Variants in STRADA observed in about 807,000 individuals in gnomAD.
STRADA encodes STE20-related kinase adapter protein alpha.
A neutral mutation model predicts 55.0 loss-of-function variants in STRADA; 26 were observed. The observed-to-expected ratio is 0.47, with a 90% CI of 0.35 to 0.66. The LOEUF (loss-of-function observed/expected upper bound fraction) is 0.66. Ranked by LOEUF, STRADA falls within the 30% of genes least tolerant of loss-of-function variation. The pLI, the probability that STRADA is intolerant of heterozygous loss-of-function variation, is 0.01. For synonymous variants in STRADA, 197 were observed against 210.9 expected (o/e 0.93, Z 0.57); for missense variants, 443 against 549.7 (o/e 0.81, Z 1.94).
chr17:63,725,113 C>T lies in STRADA; in HGVS notation c.94+1525G>A, dbSNP rs534911102. 5.3e-5 allele frequency among the ~76,000 whole-genome samples: 8 copies of T among 152,108 alleles called. No homozygotes were observed. In the South Asian group the frequency reaches 1.7e-3, roughly 32 times the overall value. On this transcript the variant is annotated intron_variant, in intron 3 of 12. Coordinates refer to ENST00000336174, the MANE Select transcript of STRADA (RefSeq NM_001003787.4). The stretch of plus-strand genomic sequence containing the variant: ...GGGCATGGTGGTGTGATCCTGTAAT[C>T]CCAGCTACTCAGGAGGGCTGAGGCA...
At chr17:63,735,400 G>A (rs567975242) in intron 1 of STRADA, among the ~76,000 whole-genome samples, 2 of 152,258 alleles carry the variant, frequency 1.3e-5, no homozygotes, top group South Asian at 4.1e-4. Context: ...GAATCTCAAC[G>A]TTAATAACTC....
At chr17:63,739,596 G>A (rs889339194) in intron 1 of STRADA, among the ~76,000 whole-genome samples, 4 of 151,566 alleles carry the variant, frequency 2.6e-5, no homozygotes, top group African/African-American at 9.7e-5. Context: ...GATATCATTC[G>A]AAAGATATAT....
At chr17:63,734,169 G>C (rs994219530) in intron 1 of STRADA, among the ~76,000 whole-genome samples, 5 of 152,170 alleles carry the variant, frequency 3.3e-5, no homozygotes, top group Admixed American at 6.5e-5. Flanking sequence ...TACAGGCCTA[G>C]GTCTTACTCT....
At chr17:63,713,367 C>A (rs750030619) in intron 6 of STRADA, 39 bp downstream of exon 6, 1 of 1,602,286 alleles carries the variant, frequency 6.2e-7, no homozygotes, top group Admixed American at 1.7e-5. Context: ...GAGCCAAGAG[C>A]CCACCCTCCC....
chr17:63,708,614 A>G (rs1226380031), intron 8 of STRADA, among the ~76,000 whole-genome samples: 1 of 152,194 alleles, frequency 6.6e-6, no homozygotes, highest in Non-Finnish European at 1.5e-5. Context: ...AGCTCACTGC[A>G]GCCTCCACCT....
At chr17:63,741,964 C>T (rs771593368), upstream of STRADA, 1 of 152,264 alleles carries the variant, frequency 6.6e-6, no homozygotes, top group African/African-American at 2.4e-5. Context: ...CAGCCGCCGC[C>T]GCGCCGAGAG....
Position 63,716,875 on chromosome 17 carries a change from C to T in STRADA, c.124-2767G>A, listed in dbSNP as rs115882227. On this transcript the variant is annotated intron_variant, in intron 4 of 12. Transcript: ENST00000336174. The stretch of plus-strand genomic sequence containing the variant: ...TTGGGAAAGGCTGTTTTAAATAAAA[C>T]ATATGCTACAATGCAAAGAGCATAG... 4.0e-3 allele frequency among the ~76,000 whole-genome samples: 607 copies of T among 152,332 alleles called. 4 individuals are homozygous for T. Among genetic ancestry groups the T allele is most frequent in the African/African-American group, 0.014 (574 of 41,580 alleles).
chr17:63,707,859 TAG>T (rs1404163535), intron 8 of STRADA, among the ~76,000 whole-genome samples: 3 of 149,702 alleles, frequency 2.0e-5, no homozygotes, highest in Non-Finnish European at 3.0e-5. Context: ...GCCTCCCGAG[TAG>T]CTGGGACTAC....
chr17:63,714,088 C>T lies in STRADA; in HGVS notation c.144G>A (p.Glu48=). Residue 48 remains glutamate (E), a synonymous_variant, in exon 5 of 13, where the codon GAG becomes GAA. Transcript: ENST00000336174. Reference sequence around the variant, plus strand: ...CCTGTTTAGAGAAGGATGCTATTGACTCTGAGCTCGCATCATTGGTCTAAA... The same window carrying T: ...CCTGTTTAGAGAAGGATGCTATTGATTCTGAGCTCGCATCATTGGTCTAAA... ...TRRKTNDASS[E]SIASFSKQEV... 1 of 1,613,644 alleles carries T rather than the reference C, an allele frequency of 6.2e-7. No individual in the cohort carries two copies. The highest frequency in any genetic ancestry group is 8.5e-7 in the Non-Finnish European group (1 of 1,179,764).
chr17:63,707,844 C>T (rs2143797634), intron 8 of STRADA, among the ~76,000 whole-genome samples: 1 of 151,992 alleles, frequency 6.6e-6, no homozygotes, highest in Admixed American at 6.5e-5. Flanking sequence ...CATTCTCCTG[C>T]CTCAGCCTCC....
intron 1 of STRADA, among the ~76,000 whole-genome samples, chr17:63,735,444 G>A (rs933936032): frequency 6.6e-6 from 1 of 152,190 alleles, no homozygotes; most frequent in African/African-American, 2.4e-5. Flanking sequence ...TCTGACACCT[G>A]AGACAAATAT....
rs890514510 is a variant in STRADA at position 63,731,963 on chromosome 17, C to T, written c.-44-3550G>A. Among the ~76,000 whole-genome samples, 6 of 152,290 alleles carry T rather than the reference C, an allele frequency of 3.9e-5. No homozygotes were observed. The East Asian group carries it at 1.2e-3, about 29-fold the overall frequency. On this transcript the variant is annotated intron_variant, in intron 1 of 12. Coordinates refer to ENST00000336174, the MANE Select transcript of STRADA (RefSeq NM_001003787.4). ...CACAGCAACCTCTGCTTCCCAGGTT[C>T]ACGCCATTCTCCTGCCTCAGCCTCC...
intron 1 of STRADA, among the ~76,000 whole-genome samples, chr17:63,731,256 C>CTTT (rs60777564): frequency 2.6e-5 from 2 of 78,038 alleles, no homozygotes; most frequent in African/African-American, 7.1e-5. Context: ...ATATTCTTTC[C>CTTT]TTTTTTTTTT....
intron 4 of STRADA, among the ~76,000 whole-genome samples, chr17:63,722,714 T>C (rs997246399): frequency 6.6e-6 from 1 of 152,236 alleles, no homozygotes; most frequent in Non-Finnish European, 1.5e-5. Context: ...CCAAAATAGC[T>C]TGGTACACTG....
chr17:63,713,326 A>C (rs1458140235), intron 6 of STRADA, 80 bp downstream of exon 6: 4 of 1,567,462 alleles, frequency 2.6e-6, no homozygotes, highest in Non-Finnish European at 3.5e-6. Context: ...GTCTCCCTTC[A>C]TTTCTTTGTA....
chr17:63,713,351 C>G, intron 6 of STRADA, 55 bp downstream of exon 6: 1 of 1,588,010 alleles, frequency 6.3e-7, no homozygotes, highest in South Asian at 1.2e-5. Context: ...CTTGTAATTC[C>G]TATCAGAGCC....
intron 1 of STRADA, chr17:63,737,288 T>A (rs1403106078): frequency 8.9e-6 from 1 of 112,512 alleles, no homozygotes; most frequent in Non-Finnish European, 2.1e-5. Context: ...TTGAGATAGT[T>A]CAGCAAGGAA....
rs921250607 is a variant in STRADA, at chr17:63,704,011, G to A, written c.1137C>T (p.Phe379=). The A allele has an allele frequency of 1.9e-6, 3 of 1,614,116 alleles. No homozygotes were observed. Among genetic ancestry groups the A allele is most frequent in the Non-Finnish European group, 2.5e-6 (3 of 1,179,996 alleles). The change falls in exon 12 of 13, where the codon TTC becomes TTT. Residue 379 remains phenylalanine (F), a synonymous_variant. Transcript: ENST00000336174. The stretch of plus-strand genomic sequence containing the variant: ...AACGAAGGGGCTACGATACCTGCTT[G>A]AAGAAAGAGTGGTTCAGGAGGGTGC... ...SASTLLNHSF[F]KQIKRRASEA...
intron 6 of STRADA, 103 bp downstream of exon 6, chr17:63,713,303 T>A: frequency 6.7e-7 from 1 of 1,494,896 alleles, no homozygotes; most frequent in Admixed American, 2.2e-5. Context: ...CTTCCATAAC[T>A]TCCGAACGTT....
Sources: allele counts gnomAD v4.1 joint callset (sites outside exome capture counted in the v4.1 genomes callset), GRCh38; gene constraint gnomAD v4.1.1; transcripts MANE v1.5; gene names NCBI Gene and HGNC (gene_info 2026-07-23, HGNC 2026-07-21).